FOXO3: variants seen among roughly 807,000 people sequenced by gnomAD.
FOXO3 encodes the protein forkhead box protein O3.
FOXO3 carries 4 observed loss-of-function variants against 41.9 expected under a neutral mutation model. That is an observed-to-expected ratio of 0.10 (90% CI 0.05 to 0.22). The LOEUF (loss-of-function observed/expected upper bound fraction) is 0.22, where lower values mean the gene tolerates loss of function less well. Ranked by LOEUF, FOXO3 falls within the 10% of genes least tolerant of loss-of-function variation. The pLI, the probability that FOXO3 is intolerant of heterozygous loss-of-function variation, is 1.00. For synonymous variants in FOXO3, 318 were observed against 389.3 expected (o/e 0.82, Z 2.16); for missense variants, 534 against 906.8 (o/e 0.59, Z 5.28).
At chr6:108,578,586 T>C (rs1432779661) in intron 1 of FOXO3, among the ~76,000 whole-genome samples, 5 of 152,192 alleles carry the variant, frequency 3.3e-5, no homozygotes, top group African/African-American at 7.2e-5. Context: ...TTAGTGCATA[T>C]ATTGTGTTCA....
intron 1 of FOXO3, among the ~76,000 whole-genome samples, chr6:108,569,252 G>A (rs1776024704): frequency 6.6e-6 from 1 of 152,202 alleles, no homozygotes; most frequent in East Asian, 1.9e-4. Flanking sequence ...TTAGAGTTCT[G>A]AATATGTGGT....
Position 108,561,115 on chromosome 6 carries a change from C to T in FOXO3, c.-94C>T, listed in dbSNP as rs1023785843. 7.0e-7 allele frequency: 1 copy of T among 1,435,392 alleles called. No individual in the cohort carries two copies. Among genetic ancestry groups the T allele is most frequent in the African/African-American group, 1.5e-5 (1 of 66,708 alleles). 88.9% of individuals were successfully genotyped at this position (1,435,392 alleles called of 1,614,324 possible). A position where few individuals can be genotyped will look rare whatever the true frequency, so the allele number is the denominator to read the frequency against. Reference sequence around the variant, plus strand: ...CGGCGGCGGCGCCCGGGAGCCGGAGCCTTCGCGGCGTCCACGTCCCTCCCC... The same window carrying T: ...CGGCGGCGGCGCCCGGGAGCCGGAGTCTTCGCGGCGTCCACGTCCCTCCCC... On this transcript the variant is annotated 5_prime_UTR_variant, in exon 1 of 3. Coordinates refer to ENST00000406360, the MANE Select transcript of FOXO3 (RefSeq NM_001455.4).
chr6:108,663,312 A>G, intron 1 of FOXO3, 143 bp from the exon 2 acceptor site: 4 of 1,316,766 alleles, frequency 3.0e-6, no homozygotes, highest in Non-Finnish European at 4.1e-6. Flanking sequence ...GCACCACTGC[A>G]TTCCAGCATG....
intron 1 of FOXO3, among the ~76,000 whole-genome samples, chr6:108,580,704 A>G (rs1451993507): frequency 6.6e-6 from 1 of 152,174 alleles, no homozygotes; most frequent in Non-Finnish European, 1.5e-5. Flanking sequence ...CATATTTCCC[A>G]TTTTGGTTTA....
At chr6:108,567,546 G>A (rs1449951130) in intron 1 of FOXO3, among the ~76,000 whole-genome samples, 3 of 152,150 alleles carry the variant, frequency 2.0e-5, no homozygotes, top group Non-Finnish European at 4.4e-5. Flanking sequence ...ACCTTATTTT[G>A]CAGGTGAGAA....
chr6:108,571,255 TG>T (rs1776090620), intron 1 of FOXO3, among the ~76,000 whole-genome samples: 1 of 152,224 alleles, frequency 6.6e-6, no homozygotes, highest in Non-Finnish European at 1.5e-5. Context: ...TGAATAGTCA[TG>T]GATCTACAGG....
Position 108,652,960 on chromosome 6 carries a change from C to T in FOXO3, c.622-10495C>T, listed in dbSNP as rs114039214. On this transcript the variant is annotated intron_variant, in intron 1 of 2. Coordinates refer to ENST00000406360, the MANE Select transcript of FOXO3 (RefSeq NM_001455.4). The stretch of plus-strand genomic sequence containing the variant: ...CTGAAATGCCTGCTAAGGCCTTGCT[C>T]CACCGAGTAGCACACACCCTATCAG... Among the ~76,000 whole-genome samples, 275 of 152,310 alleles carry T rather than the reference C, an allele frequency of 1.8e-3. 3 individuals are homozygous for T. The highest frequency in any genetic ancestry group is 6.3e-3 in the African/African-American group (260 of 41,564).
At chr6:108,607,040 G>C (rs968475278) in intron 1 of FOXO3, among the ~76,000 whole-genome samples, 1 of 152,148 alleles carries the variant, frequency 6.6e-6, no homozygotes, top group African/African-American at 2.4e-5. Context: ...TCTCAGACTT[G>C]GGGAATTTAG....
At chr6:108,649,085 A>G (rs564138670) in intron 1 of FOXO3, among the ~76,000 whole-genome samples, 159 of 151,026 alleles carry the variant, frequency 1.1e-3, no homozygotes, top group African/African-American at 3.5e-3. Context: ...CTCTTGGGTC[A>G]GAGGCAAAGG....
chr6:108,679,666 C>G (rs984419538), intron 2 of FOXO3, among the ~76,000 whole-genome samples, 161 bp from the exon 3 acceptor site: 5 of 152,160 alleles, frequency 3.3e-5, no homozygotes, highest in African/African-American at 1.2e-4. Context: ...CTTAGGATTT[C>G]AGACCTTTGA....
intron 1 of FOXO3, among the ~76,000 whole-genome samples, chr6:108,562,609 G>A (rs1775839429): frequency 6.6e-6 from 1 of 152,176 alleles, no homozygotes; most frequent in African/African-American, 2.4e-5. Context: ...GGGCTCTGGT[G>A]TGGGGGACGC....
chr6:108,614,802 T>G (rs1777449087), intron 1 of FOXO3, among the ~76,000 whole-genome samples: 1 of 152,086 alleles, frequency 6.6e-6, no homozygotes, highest in South Asian at 2.1e-4. Context: ...TATCTTGCTA[T>G]TAGTTTTCTA....
chr6:108,582,397 C>G (rs1776446822), intron 1 of FOXO3, among the ~76,000 whole-genome samples: 1 of 152,190 alleles, frequency 6.6e-6, no homozygotes, highest in Non-Finnish European at 1.5e-5. Context: ...AAGTTATATC[C>G]AGTTGTAAGA....
upstream of FOXO3, chr6:108,560,022 G>C (rs1562222786): frequency 6.6e-6 from 1 of 152,118 alleles, no homozygotes; most frequent in Non-Finnish European, 1.5e-5. Context: ...CGAGGTAGGC[G>C]CCGGAGCCGT....
chr6:108,641,091 GT>G (rs1334890041), intron 1 of FOXO3, among the ~76,000 whole-genome samples: 1 of 151,992 alleles, frequency 6.6e-6, no homozygotes, highest in Non-Finnish European at 1.5e-5. Flanking sequence ...TATATTTTTA[GT>G]AGAGACAGGG....
intron 1 of FOXO3, among the ~76,000 whole-genome samples, chr6:108,569,012 C>T (rs1776019825): frequency 6.6e-6 from 1 of 152,208 alleles, no homozygotes; most frequent in Admixed American, 6.5e-5. Flanking sequence ...TCGAGAAAGT[C>T]ACCATAGAAT....
chr6:108,652,306 G>A (rs905718468), intron 1 of FOXO3, among the ~76,000 whole-genome samples: 1 of 152,240 alleles, frequency 6.6e-6, no homozygotes, highest in African/African-American at 2.4e-5. Flanking sequence ...CTGAGAAAAG[G>A]TGTCATTTCT....
chr6:108,591,080 T>G (rs1373789910), intron 1 of FOXO3, among the ~76,000 whole-genome samples: 3 of 152,226 alleles, frequency 2.0e-5, no homozygotes, highest in Non-Finnish European at 4.4e-5. Context: ...AAGATCTGTT[T>G]GAAGCATGAG....
At chr6:108,672,431 C>A (rs1164421143) in intron 2 of FOXO3, among the ~76,000 whole-genome samples, 1 of 152,196 alleles carries the variant, frequency 6.6e-6, no homozygotes, top group African/African-American at 2.4e-5. Context: ...GCAGCCAGGC[C>A]AGGGACTAAA....
Sources: gnomAD v4.1 joint callset for allele counts (sites outside exome capture counted in the v4.1 genomes callset) on GRCh38, gnomAD v4.1.1 for gene constraint, MANE v1.5 for transcripts, NCBI Gene and HGNC (gene_info 2026-07-23, HGNC 2026-07-21) for gene names.